Variants in SLC1A3 observed in about 807,000 individuals in gnomAD.
The protein encoded by SLC1A3 is solute carrier family 1 member 3, also known as excitatory amino acid transporter 1.
SLC1A3 carries 21 observed loss-of-function variants against 48.1 expected under a neutral mutation model. That is an observed-to-expected ratio of 0.44 (90% confidence interval 0.31 to 0.63). SLC1A3 has a LOEUF of 0.63. Among genes scored for constraint, SLC1A3 ranks in the 20% least tolerant of loss-of-function variants. The pLI, the probability that SLC1A3 is intolerant of heterozygous loss-of-function variation, is 0.08. For synonymous variants in SLC1A3, 239 were observed against 251.4 expected (o/e 0.95, Z 0.47); for missense variants, 546 against 689.0 (o/e 0.79, Z 2.32).
intron 2 of SLC1A3, among the ~76,000 whole-genome samples, chr5:36,614,214 G>A (rs1442634634): frequency 6.6e-6 from 1 of 152,200 alleles, no homozygotes; most frequent in Admixed American, 6.5e-5. Context: ...TGCTTGCCAG[G>A]TAAAGTGTCC....
chr5:36,606,350 T>C (rs1738939161), upstream of SLC1A3: 1 of 152,254 alleles, frequency 6.6e-6, no homozygotes, highest in South Asian at 2.1e-4. Flanking sequence ...TTTCCGATTG[T>C]GTGCGCTTTA....
chr5:36,686,771 G>A lies in SLC1A3; in HGVS notation c.*502G>A, dbSNP rs1742664550. The stretch of plus-strand genomic sequence containing the variant: ...GACTGGTATACCTATTTCATTAGTA[G>A]CTAGGTGCACATATACATCTAGCAC... On this transcript the variant is annotated 3_prime_UTR_variant, in exon 10 of 10. Transcript: ENST00000265113. 4.5e-6 allele frequency: 1 copy of A among 221,080 alleles called. No individual in the cohort carries two copies. The highest frequency in any genetic ancestry group is 9.1e-6 in the Non-Finnish European group (1 of 110,178). 13.7% of individuals were successfully genotyped at this position (221,080 alleles called of 1,614,324 possible). A position where few individuals can be genotyped will look rare whatever the true frequency, so the allele number is the denominator to read the frequency against.
intron 3 of SLC1A3, among the ~76,000 whole-genome samples, chr5:36,641,771 CATTCTT>C (rs1377743563): frequency 6.6e-6 from 1 of 152,124 alleles, no homozygotes; most frequent in Non-Finnish European, 1.5e-5. Flanking sequence ...AAATTCATAA[CATTCTT>C]ATGGGTATAA....
upstream of SLC1A3, among the ~76,000 whole-genome samples, chr5:36,602,929 T>A (rs144610097): frequency 2.4e-3 from 360 of 152,334 alleles, 2 homozygotes; most frequent in African/African-American, 8.4e-3. Flanking sequence ...CTTGGCTCAG[T>A]GTCAGCCGAC....
chr5:36,667,089 A>G (rs547467991), intron 3 of SLC1A3, among the ~76,000 whole-genome samples: 2 of 152,320 alleles, frequency 1.3e-5, no homozygotes, highest in South Asian at 2.1e-4. Flanking sequence ...TGCTTGCTTG[A>G]TAAGTGGTTA....
At chr5:36,646,412 T>C (rs1201566094) in intron 3 of SLC1A3, among the ~76,000 whole-genome samples, 3 of 152,250 alleles carry the variant, frequency 2.0e-5, no homozygotes, top group Admixed American at 1.3e-4. Context: ...CAAAAAAATA[T>C]AAACACAATA....
At chr5:36,680,993 G>A (rs1667138204) in intron 8 of SLC1A3, among the ~76,000 whole-genome samples, 1 of 151,950 alleles carries the variant, frequency 6.6e-6, no homozygotes, top group Non-Finnish European at 1.5e-5. Context: ...ATAATCAAGA[G>A]GTGGGGATTT....
chr5:36,657,122 G>A (rs1372540998), intron 3 of SLC1A3, among the ~76,000 whole-genome samples: 2 of 152,160 alleles, frequency 1.3e-5, no homozygotes, highest in Non-Finnish European at 2.9e-5. Context: ...ATCTAGAGGG[G>A]AAGGATATTT....
upstream of SLC1A3, among the ~76,000 whole-genome samples, chr5:36,605,653 A>G (rs550177384): frequency 6.6e-6 from 1 of 152,334 alleles, no homozygotes; most frequent in African/African-American, 2.4e-5. Context: ...TTTTGTTTCT[A>G]ATGAACCATT....
Position 36,680,376 on chromosome 5 carries a change from C to T in SLC1A3, c.1095-19C>T, listed in dbSNP as rs1742388860. Reference sequence around the variant, plus strand: ...CTACCAGGACACTCAGCTGATGTGCCCTATTTCACTGTTCTCAGTTCTGCC... The same window carrying T: ...CTACCAGGACACTCAGCTGATGTGCTCTATTTCACTGTTCTCAGTTCTGCC... On this transcript the variant is annotated intron_variant, in intron 7 of 9. Coordinates refer to ENST00000265113, the MANE Select transcript of SLC1A3 (RefSeq NM_004172.5). 1 of 1,609,200 alleles carries T rather than the reference C, an allele frequency of 6.2e-7. No individual in the cohort carries two copies. Among genetic ancestry groups the T allele is most frequent in the Non-Finnish European group, 8.5e-7 (1 of 1,175,750 alleles).
At chr5:36,651,139 TTTAA>T (rs1447434972) in intron 3 of SLC1A3, among the ~76,000 whole-genome samples, 73 of 68,446 alleles carry the variant, frequency 1.1e-3, no homozygotes, top group African/African-American at 3.8e-3. Flanking sequence ...CTAAGTTTTT[TTTAA>T]AAAAAAAAAA....
intron 1 of SLC1A3, among the ~76,000 whole-genome samples, chr5:36,599,667 G>A (rs531795316): frequency 9.8e-5 from 14 of 142,674 alleles, no homozygotes; most frequent in African/African-American, 3.7e-4. Flanking sequence ...GCGCCACCAC[G>A]CCTGCTAATT....
chr5:36,654,025 G>T (rs1045393875), intron 3 of SLC1A3, among the ~76,000 whole-genome samples: 2 of 152,026 alleles, frequency 1.3e-5, no homozygotes, highest in Non-Finnish European at 2.9e-5. Flanking sequence ...TGTATTTTTC[G>T]TAGAGACAGG....
intron 7 of SLC1A3, 77 bp downstream of exon 7, chr5:36,679,937 C>G: frequency 2.1e-6 from 2 of 958,798 alleles, no homozygotes; most frequent in South Asian, 1.3e-5. Context: ...GTAGGAGAAG[C>G]CATTTTATTC....
chr5:36,686,051 C>T lies in SLC1A3; in HGVS notation c.1425-14C>T, dbSNP rs1007613853. On this transcript the variant is annotated splice_polypyrimidine_tract_variant and intron_variant, in intron 9 of 9. Transcript: ENST00000265113. ...GGGAGCCTCGTTTTTCCCTCCTCCC[C>T]ACCCTGCCTGCAGGGATCGCCTCCG... 2.5e-6 allele frequency: 4 copies of T among 1,611,842 alleles called. No individual in the cohort carries two copies. In the Admixed American group the frequency reaches 5.0e-5, roughly 20 times the overall value.
rs1167788931 is a variant in SLC1A3, at chr5:36,671,185, G to A, written c.476G>A (p.Gly159Asp). 3.1e-6 allele frequency: 5 copies of A among 1,613,778 alleles called. No homozygotes were observed. In the African/African-American group the frequency reaches 5.3e-5, roughly 17 times the overall value. ...ACAAAGGAAAACATGCACAGAGAAGGCAAAATTGTACGAGTGACAGCTGCA... is the reference window on the plus strand; with the variant it reads ...ACAAAGGAAAACATGCACAGAGAAGACAAAATTGTACGAGTGACAGCTGCA... ...KGTKENMHRE[G>D]KIVRVTAADA... Residue 159 changes from glycine (G) to aspartate (D), a missense_variant, in exon 4 of 10, where the codon GGC becomes GAC. Coordinates refer to ENST00000265113, the MANE Select transcript of SLC1A3 (RefSeq NM_004172.5).
intron 3 of SLC1A3, among the ~76,000 whole-genome samples, chr5:36,638,286 G>A (rs982057972): frequency 1.8e-4 from 27 of 152,110 alleles, no homozygotes; most frequent in Non-Finnish European, 3.5e-4. Flanking sequence ...TTCTTGGCAG[G>A]ACAAATAAGA....
At chr5:36,638,377 G>A (rs766307503) in intron 3 of SLC1A3, among the ~76,000 whole-genome samples, 4 of 152,080 alleles carry the variant, frequency 2.6e-5, no homozygotes, top group Non-Finnish European at 5.9e-5. Flanking sequence ...CTCTCTCAAC[G>A]TCCTAATGCC....
At chr5:36,662,838 T>G (rs1254044448) in intron 3 of SLC1A3, among the ~76,000 whole-genome samples, 1 of 152,142 alleles carries the variant, frequency 6.6e-6, no homozygotes, top group Non-Finnish European at 1.5e-5. Context: ...AATTGAATGG[T>G]CAAGACCAGC....
Sources: allele counts gnomAD v4.1 joint callset (sites outside exome capture counted in the v4.1 genomes callset), GRCh38; gene constraint gnomAD v4.1.1; transcripts MANE v1.5; gene names NCBI Gene and HGNC (gene_info 2026-07-23, HGNC 2026-07-21).